Variants in NFIL3 observed in about 807,000 individuals in gnomAD.
The protein encoded by NFIL3 is nuclear factor, interleukin 3 regulated.
NFIL3 carries 5 observed loss-of-function variants against 10.0 expected under a neutral mutation model. The ratio of observed to expected loss-of-function variants is 0.50; its 90% CI spans 0.26 to 1.06. The LOEUF is 1.06. Among genes scored for constraint, NFIL3 ranks in the 50% least tolerant of loss-of-function variants. The pLI is 0.13. For missense variants in NFIL3, 436 were observed against 547.6 expected, an observed-to-expected ratio of 0.80 and a Z score of 2.03; for synonymous variants, 202 against 206.5, an observed-to-expected ratio of 0.98 and a Z score of 0.19.
At chr9:91,418,145 C>T (rs1833692416) in intron 1 of NFIL3, among the ~76,000 whole-genome samples, 1 of 152,252 alleles carries the variant, frequency 6.6e-6, no homozygotes, top group South Asian at 2.1e-4. Flanking sequence ...AGAGTAAGCA[C>T]ATACACGCTA....
chr9:91,463,976 T>C, the NFIL3 span, among the ~76,000 whole-genome samples: 7 of 152,128 alleles, frequency 4.6e-5, no homozygotes, highest in African/African-American at 1.7e-4. Context: ...AGCTTTCTTT[T>C]GATTAGTGTT....
Position 91,410,537 on chromosome 9 carries a change from G to A in NFIL3, c.198C>T (p.Phe66=), listed in dbSNP as rs1396334009. The change falls in exon 2 of 2, where the codon TTC becomes TTT. Residue 66 remains phenylalanine (F), a synonymous_variant. Transcript: ENST00000297689. This position sits in a 1 kb window ranked among gnomAD's most constrained non-coding sequence, Gnocchi z 5.7. ...KSSACRRKRE[F]IPDEKKDAMY... is the part of the protein sequence containing the mutation. ...TAGCATCTTTCTTTTCATCAGGAATGAATTCCCGTTTCCTCCGACATGCAG... is the reference window on the plus strand; with the variant it reads ...TAGCATCTTTCTTTTCATCAGGAATAAATTCCCGTTTCCTCCGACATGCAG... 6.2e-7 allele frequency: 1 copy of A among 1,614,142 alleles called. No homozygotes were observed. The highest frequency in any genetic ancestry group is 8.5e-7 in the Non-Finnish European group (1 of 1,180,038).
upstream of NFIL3, among the ~76,000 whole-genome samples, chr9:91,425,756 C>T (rs1587971171): frequency 6.6e-6 from 1 of 152,216 alleles, no homozygotes; most frequent in East Asian, 1.9e-4. Flanking sequence ...GAATTACAGG[C>T]GCATGCCACT....
At chr9:91,476,763 G>A in the NFIL3 span, among the ~76,000 whole-genome samples, 3 of 152,018 alleles carry the variant, frequency 2.0e-5, no homozygotes, top group Non-Finnish European at 4.4e-5. Flanking sequence ...TTGTAAATTA[G>A]GATAAAAGAA....
intron 1 of NFIL3, among the ~76,000 whole-genome samples, chr9:91,420,231 A>T (rs1833734154): frequency 6.6e-6 from 1 of 152,150 alleles, no homozygotes. Flanking sequence ...ATGGCAAATT[A>T]AAAAATATAT....
chr9:91,435,310 C>T, the NFIL3 span, among the ~76,000 whole-genome samples: 1 of 152,160 alleles, frequency 6.6e-6, no homozygotes, highest in East Asian at 1.9e-4. Context: ...TCAGAAAACT[C>T]CAACATCTCT....
At chr9:91,459,296 C>CATCA in the NFIL3 span, among the ~76,000 whole-genome samples, 1 of 152,124 alleles carries the variant, frequency 6.6e-6, no homozygotes, top group South Asian at 2.1e-4. Context: ...CAGTGAAGCC[C>CATCA]ATCATGTATA....
chr9:91,476,881 G>T, the NFIL3 span, among the ~76,000 whole-genome samples: 3 of 152,154 alleles, frequency 2.0e-5, no homozygotes, highest in African/African-American at 7.2e-5. Flanking sequence ...TACTGCTGCC[G>T]AAGTTTGCCT....
the NFIL3 span, among the ~76,000 whole-genome samples, chr9:91,448,753 G>A: frequency 3.9e-4 from 49 of 126,736 alleles, no homozygotes; most frequent in South Asian, 7.1e-4. Flanking sequence ...GTAAAGATTG[G>A]CTTGTCCCTT....
the NFIL3 span, among the ~76,000 whole-genome samples, chr9:91,458,851 A>C: frequency 6.6e-6 from 1 of 152,188 alleles, no homozygotes; most frequent in Admixed American, 6.5e-5. Flanking sequence ...CTTGGTGTCA[A>C]GAAAATTAAG....
chr9:91,448,368 A>C, the NFIL3 span, among the ~76,000 whole-genome samples: 3 of 152,352 alleles, frequency 2.0e-5, no homozygotes, highest in South Asian at 6.2e-4. Context: ...GAAGCGGAGT[A>C]CGTGCAAAAA....
upstream of NFIL3, chr9:91,426,298 G>C (rs1833873128): frequency 6.6e-6 from 1 of 152,116 alleles, no homozygotes; most frequent in Non-Finnish European, 1.5e-5. Context: ...AGCTCCTCCT[G>C]GTGATTAGGA....
At chr9:91,430,339 C>T in the NFIL3 span, among the ~76,000 whole-genome samples, 1 of 152,174 alleles carries the variant, frequency 6.6e-6, no homozygotes, top group Non-Finnish European at 1.5e-5. Context: ...ATCCCTTGAA[C>T]AGTTGAGTGA....
intron 1 of NFIL3, among the ~76,000 whole-genome samples, chr9:91,417,845 A>G (rs1299639109): frequency 6.6e-6 from 1 of 152,188 alleles, no homozygotes; most frequent in Non-Finnish European, 1.5e-5. Context: ...GCCAGAATCT[A>G]TTCTATCATA....
the NFIL3 span, among the ~76,000 whole-genome samples, chr9:91,471,505 T>A: frequency 1.3e-5 from 2 of 149,304 alleles, no homozygotes; most frequent in African/African-American, 4.9e-5. Flanking sequence ...TTTTTTTTAC[T>A]TTTTTTAAAA....
the NFIL3 span, among the ~76,000 whole-genome samples, chr9:91,480,336 C>T: frequency 6.6e-6 from 1 of 151,948 alleles, no homozygotes; most frequent in Non-Finnish European, 1.5e-5. Context: ...GTAGTTAAAC[C>T]CGTGTGTGAG....
At chr9:91,447,604 T>C in the NFIL3 span, among the ~76,000 whole-genome samples, 4 of 152,250 alleles carry the variant, frequency 2.6e-5, no homozygotes, top group Admixed American at 1.3e-4. Context: ...GAGTATCTTA[T>C]CGCATCCTTA....
At chr9:91,422,939 T>G (rs376952516) in intron 1 of NFIL3, among the ~76,000 whole-genome samples, 1 of 152,194 alleles carries the variant, frequency 6.6e-6, no homozygotes. Context: ...ATTGCACACA[T>G]ACGCGCATAT....
At chr9:91,453,614 G>A in the NFIL3 span, among the ~76,000 whole-genome samples, 23 of 151,886 alleles carry the variant, frequency 1.5e-4, 1 homozygote, top group Admixed American at 3.3e-4. Context: ...TTGACCATTC[G>A]AGACTGTATT....
Sources: allele counts gnomAD v4.1 joint callset (sites outside exome capture counted in the v4.1 genomes callset), GRCh38; gene constraint gnomAD v4.1.1; non-coding constraint Gnocchi (gnomAD v3.1); transcripts MANE v1.5; gene names NCBI Gene and HGNC (gene_info 2026-07-23, HGNC 2026-07-21).